NPC1: variants seen among roughly 807,000 people sequenced by gnomAD.
The protein encoded by NPC1 is NPC intracellular cholesterol transporter 1.
A neutral mutation model predicts 140.4 loss-of-function variants in NPC1; 85 were observed. That is an observed-to-expected ratio of 0.61 (90% CI 0.51 to 0.72). The LOEUF (loss-of-function observed/expected upper bound fraction) is 0.72. Ranked by LOEUF, NPC1 falls within the 30% of genes least tolerant of loss-of-function variation. The pLI is 0.00. For synonymous variants in NPC1, 656 were observed against 624.8 expected (o/e 1.05, Z -0.74); for missense variants, 1,504 against 1,623.8 (o/e 0.93, Z 1.27).
chr18:23,536,109 C>A (rs1482345939), intron 21 of NPC1, among the ~76,000 whole-genome samples: 2 of 152,196 alleles, frequency 1.3e-5, no homozygotes, highest in African/African-American at 4.8e-5. Flanking sequence ...TCTGCCAGAG[C>A]TAACCGGCTC....
intron 21 of NPC1, among the ~76,000 whole-genome samples, 156 bp from the exon 22 acceptor site, chr18:23,535,856 A>C (rs1260054577): frequency 1.3e-5 from 2 of 152,090 alleles, no homozygotes; most frequent in Admixed American, 6.6e-5. Flanking sequence ...AAAGCAACTC[A>C]CTTGACCTCT....
chr18:23,523,233 G>A (rs560545771), intron 1 of NPC1, among the ~76,000 whole-genome samples: 2 of 152,204 alleles, frequency 1.3e-5, no homozygotes, highest in African/African-American at 4.8e-5. Flanking sequence ...CCTTCTGATT[G>A]TACCTGGGTA....
Position 23,545,043 on chromosome 18 carries a change from A to C in NPC1, c.1864T>G (p.Phe622Val), listed in dbSNP as rs1422608491. 1 of 1,605,780 alleles carries C rather than the reference A, an allele frequency of 6.2e-7. No homozygotes were observed. The highest frequency in any genetic ancestry group is 8.5e-7 in the Non-Finnish European group (1 of 1,174,950). Reference protein sequence around the residue: ...ELNRESDSDVFTVVISYAIMF... With the variant: ...ELNRESDSDVVTVVISYAIMF... ...ATGGCATAGCTAATTACAACGGTGA[A>C]GACATCACTGTCACTTTCACGATTT... The change falls in exon 12 of 25, where the codon TTC (phenylalanine) becomes GTC (valine). Residue 622 changes from phenylalanine to valine, a missense_variant. Coordinates refer to ENST00000269228, the MANE Select transcript of NPC1 (RefSeq NM_000271.5).
intron 24 of NPC1, among the ~76,000 whole-genome samples, chr18:23,532,655 CAA>C (rs1413077026): frequency 6.7e-6 from 1 of 148,810 alleles, no homozygotes; most frequent in Non-Finnish European, 1.5e-5. Context: ...AGGCTGGTCT[CAA>C]ACGATTCTCC....
downstream of NPC1, chr18:23,524,423 A>C (rs777435331): frequency 1.1e-5 from 17 of 1,613,734 alleles, no homozygotes; most frequent in Admixed American, 2.7e-4. Context: ...TTCCTATAAC[A>C]TGTGGATTCT....
At chr18:23,518,808 ATTTAC>A, downstream of NPC1, 1 of 1,260,496 alleles carries the variant, frequency 7.9e-7, no homozygotes, top group Non-Finnish European at 1.1e-6. Context: ...ATATCTTATA[ATTTAC>A]TTAACCGTGA....
At chr18:23,523,859 A>G (rs2058216846) in intron 1 of NPC1, among the ~76,000 whole-genome samples, 1 of 152,220 alleles carries the variant, frequency 6.6e-6, no homozygotes, top group South Asian at 2.1e-4. Flanking sequence ...ATCATGAGTC[A>G]TCTTTGGTTA....
rs539278475 is a variant in NPC1, at chr18:23,573,015, C to G, written c.180+437G>C. ...AGAACAGGAATCAGAATCCTGGTAG[C>G]AGCCAAAATTCACAGGCTCTCAGTG... On this transcript the variant is annotated intron_variant, in intron 2 of 24. Transcript: ENST00000269228. Among the ~76,000 whole-genome samples the G allele has an allele frequency of 3.5e-4, 54 of 152,282 alleles. No homozygotes were observed. The South Asian group carries it at 8.7e-3, about 25-fold the overall frequency.
In NPC1 at chr18:23,534,283, A is replaced by G. The variant is rs1247764705; in HGVS notation, c.3591+163T>C. ...CGTACCAACAGGTACAGTTCCACAGAACGTCCGTTCTGTCCACGATGTGGC... is the reference window on the plus strand; with the variant it reads ...CGTACCAACAGGTACAGTTCCACAGGACGTCCGTTCTGTCCACGATGTGGC... On this transcript the variant is annotated intron_variant, in intron 23 of 24. Transcript: ENST00000269228. 13 of 688,562 alleles carry G rather than the reference A, an allele frequency of 1.9e-5. No individual in the cohort carries two copies. In the East Asian group the frequency reaches 2.7e-4, roughly 14 times the overall value. 42.7% of individuals were successfully genotyped at this position (688,562 alleles called of 1,614,324 possible).
intron 6 of NPC1, among the ~76,000 whole-genome samples, chr18:23,559,931 C>G (rs1005091460): frequency 6.6e-6 from 1 of 151,772 alleles, no homozygotes; most frequent in African/African-American, 2.4e-5. Context: ...GCACTTCAGC[C>G]TGGGCGACAA....
chr18:23,534,182 G>GA, intron 23 of NPC1: 1 of 570,692 alleles, frequency 1.8e-6, no homozygotes. Context: ...TTTTAAATGG[G>GA]AAAGACTGCC....
chr18:23,557,429 C>T (rs1169671417), intron 6 of NPC1, among the ~76,000 whole-genome samples: 2 of 152,174 alleles, frequency 1.3e-5, no homozygotes, highest in African/African-American at 2.4e-5. Context: ...CCTTGTGGCC[C>T]TCATTTTATT....
chr18:23,556,140 A>G (rs537306067), intron 8 of NPC1, 103 bp downstream of exon 8: 4 of 1,038,288 alleles, frequency 3.9e-6, no homozygotes, highest in African/African-American at 3.1e-5. Context: ...AAGATATACC[A>G]TGACATTCAG....
At chr18:23,513,979 C>T (rs936027015) in intron 3 of NPC1, among the ~76,000 whole-genome samples, 3 of 152,180 alleles carry the variant, frequency 2.0e-5, no homozygotes, top group Non-Finnish European at 2.9e-5. Flanking sequence ...GGTTGCCTTT[C>T]CACTCTGTGG....
chr18:23,506,638 C>T (rs962649456), exon 4 of NPC1: 2 of 258,290 alleles, frequency 7.7e-6, no homozygotes, highest in Non-Finnish European at 1.5e-5. Flanking sequence ...TTTCCAGAAG[C>T]TTTGCTGTGA....
intron 14 of NPC1, among the ~76,000 whole-genome samples, chr18:23,542,704 A>G (rs1011817219): frequency 6.6e-6 from 1 of 152,248 alleles, no homozygotes; most frequent in Non-Finnish European, 1.5e-5. Context: ...TTGTGTGCAC[A>G]GAAGAGAAAG....
At chr18:23,574,883 G>T (rs1029323514) in intron 1 of NPC1, among the ~76,000 whole-genome samples, 1 of 152,116 alleles carries the variant, frequency 6.6e-6, no homozygotes, top group African/African-American at 2.4e-5. Flanking sequence ...TAAACCCGGT[G>T]ATTCTAAGGA....
At position 23,556,576 on chromosome 18, in the gene NPC1, A is replaced by T. The variant is rs1448355412; in HGVS notation, c.993T>A (p.Phe331Leu). Reference sequence around the variant, plus strand: ...TGAACAGCCGCCTCAAGCAGCCCTCAAATGCTGCGCTGACAGGGTCACAGC... The same window carrying T: ...TGAACAGCCGCCTCAAGCAGCCCTCTAATGCTGCGCTGACAGGGTCACAGC... ...ASCCDPVSAA[F>L]EGCLRRLFTR... Residue 331 changes from phenylalanine (F) to leucine (L), a missense_variant, in exon 8 of 25, where the codon TTT (phenylalanine) becomes TTA (leucine). Coordinates refer to ENST00000269228, the MANE Select transcript of NPC1 (RefSeq NM_000271.5). 1 of 1,614,010 alleles carries T rather than the reference A, an allele frequency of 6.2e-7. No homozygotes were observed.
chr18:23,508,268 C>T (rs930594153), intron 3 of NPC1, among the ~76,000 whole-genome samples: 4 of 152,112 alleles, frequency 2.6e-5, no homozygotes, highest in Admixed American at 2.6e-4. Flanking sequence ...ATGGATGATG[C>T]GTGGTGAACA....
Sources: allele counts gnomAD v4.1 joint callset (sites outside exome capture counted in the v4.1 genomes callset), GRCh38; gene constraint gnomAD v4.1.1; transcripts MANE v1.5; gene names NCBI Gene and HGNC (gene_info 2026-07-23, HGNC 2026-07-21).